Variants in CREBBP observed in about 807,000 individuals in gnomAD.
The protein encoded by CREBBP is CREB-binding protein.
A neutral mutation model predicts 265.0 loss-of-function variants in CREBBP; 19 were observed. The observed-to-expected ratio is 0.07, with a 90% confidence interval of 0.05 to 0.11. The LOEUF is 0.11. Among genes scored for constraint, CREBBP ranks in the 10% least tolerant of loss-of-function variants. The pLI is 1.00. For synonymous variants in CREBBP, 1,457 were observed against 1,223.7 expected (o/e 1.19, Z -3.98); for missense variants, 2,525 against 3,219.0 (o/e 0.78, Z 5.22).
intron 6 of CREBBP, among the ~76,000 whole-genome samples, chr16:3,782,258 C>T (rs890378309): frequency 2.0e-5 from 3 of 152,202 alleles, no homozygotes; most frequent in African/African-American, 4.8e-5. Flanking sequence ...TTGTCATTAA[C>T]CTGCTGAAGT....
rs190724573 is a variant in CREBBP, at chr16:3,780,585, G to C, written c.1823+147C>G. 5.5e-4 allele frequency: 441 copies of C among 807,044 alleles called. 4 individuals carry two copies. The East Asian group carries it at 8.3e-3, about 15-fold the overall frequency. 50.0% of individuals were successfully genotyped at this position (807,044 alleles called of 1,614,324 possible). On this transcript the variant is annotated intron_variant, in intron 8 of 30. Transcript: ENST00000262367. ...AGTGTGGGAATCTCTGGCCTGCCTA[G>C]GGCTGCCAGAACTCTACCAGCAGTG...
chr16:3,755,353 G>C (rs1176853074), intron 19 of CREBBP, among the ~76,000 whole-genome samples: 1 of 152,214 alleles, frequency 6.6e-6, no homozygotes, highest in African/African-American at 2.4e-5. Flanking sequence ...AGAGACAGTG[G>C]TAAACAATCT....
chr16:3,773,714 T>C, intron 13 of CREBBP, 37 bp downstream of exon 13: 3 of 1,605,522 alleles, frequency 1.9e-6, no homozygotes, highest in Non-Finnish European at 2.6e-6. Context: ...AAGAATTTTA[T>C]TTCCTAGGGA....
chr16:3,827,236 A>C (rs1027155201), intron 2 of CREBBP, among the ~76,000 whole-genome samples: 3 of 152,168 alleles, frequency 2.0e-5, no homozygotes, highest in African/African-American at 7.2e-5. Context: ...AAGTATCAAC[A>C]GGCATTAATT....
intron 5 of CREBBP, among the ~76,000 whole-genome samples, chr16:3,783,208 T>C (rs1051192357): frequency 1.3e-5 from 2 of 152,186 alleles, no homozygotes; most frequent in African/African-American, 4.8e-5. Context: ...AAAAAAATTA[T>C]TATGTCTTAA....
intron 5 of CREBBP, among the ~76,000 whole-genome samples, chr16:3,790,727 T>G (rs2053489013): frequency 6.6e-6 from 1 of 152,094 alleles, no homozygotes; most frequent in African/African-American, 2.4e-5. Flanking sequence ...ACCCTGGCAT[T>G]TCTCTTCTCT....
At position 3,729,257 on chromosome 16, in the gene CREBBP, G is replaced by T. The variant is rs770780203; in HGVS notation, c.5790C>A (p.Pro1930=). 4.6e-6 allele frequency: 7 copies of T among 1,528,906 alleles called. No homozygotes were observed. Among genetic ancestry groups the T allele is most frequent in the Admixed American group, 2.0e-5 (1 of 50,820 alleles). The allele number at this position is 1,528,906 out of a possible 1,614,324, so 94.7% of individuals were successfully genotyped here. A position where few individuals can be genotyped will look rare whatever the true frequency, so the allele number is the denominator to read the frequency against. The part of the protein sequence containing the change: ...GFPSVARTQP[P]TTVSTGKPTS... ...TAGGCTTCCCTGTGGACACCGTGGTGGGGGGCTGAGTCCGGGCCACGCTGG... is the reference window on the plus strand; with the variant it reads ...TAGGCTTCCCTGTGGACACCGTGGTTGGGGGCTGAGTCCGGGCCACGCTGG... The change falls in exon 31 of 31, where the codon CCC becomes CCA. Residue 1930 remains proline, a synonymous_variant. Coordinates refer to ENST00000262367, the MANE Select transcript of CREBBP (RefSeq NM_004380.3).
intron 3 of CREBBP, among the ~76,000 whole-genome samples, chr16:3,807,781 T>C (rs761293942): frequency 2.0e-5 from 3 of 152,174 alleles, no homozygotes; most frequent in African/African-American, 4.8e-5. Flanking sequence ...TAGAAAGATG[T>C]TGGGGAGACC....
chr16:3,854,849 G>A (rs2054926057), intron 1 of CREBBP, among the ~76,000 whole-genome samples: 1 of 152,218 alleles, frequency 6.6e-6, no homozygotes. Context: ...CTTCCCACCT[G>A]TCTGTAAGGA....
intron 28 of CREBBP, 124 bp from the exon 29 acceptor site, chr16:3,732,061 C>G (rs1325535764): frequency 1.1e-5 from 18 of 1,569,270 alleles, no homozygotes; most frequent in Non-Finnish European, 1.6e-5. Context: ...CAGGCAGACC[C>G]CATACGTGAA....
In CREBBP at chr16:3,729,014, G is replaced by T; in HGVS notation, c.6033C>A (p.Pro2011=). Residue 2011 remains proline, a synonymous_variant, in exon 31 of 31, where the codon CCC becomes CCA. Transcript: ENST00000262367. The part of the protein sequence containing the change: ...NVPRPNQVSG[P]VMPSMPPGQW... ...GCCCGGGAGGCATGCTGGGCATGAC[G>T]GGCCCGCTCACCTGGTTGGGTCGGG... The T allele has an allele frequency of 6.3e-7, 1 of 1,591,932 alleles. No homozygotes were observed. The highest frequency in any genetic ancestry group is 8.5e-7 in the Non-Finnish European group (1 of 1,174,706).
chr16:3,805,554 G>GCTC (rs2053812058), intron 3 of CREBBP, among the ~76,000 whole-genome samples: 1 of 152,236 alleles, frequency 6.6e-6, no homozygotes, highest in Non-Finnish European at 1.5e-5. Context: ...CGACAACAGA[G>GCTC]AGAGATCCTG....
At chr16:3,853,337 G>A (rs1295004800) in intron 1 of CREBBP, among the ~76,000 whole-genome samples, 5 of 152,216 alleles carry the variant, frequency 3.3e-5, no homozygotes, top group Non-Finnish European at 7.3e-5. Context: ...CAGGCCGGGT[G>A]CGGTGGCTCA....
intron 21 of CREBBP, chr16:3,745,663 G>C (rs1252657223): frequency 4.6e-6 from 2 of 436,316 alleles, no homozygotes; most frequent in Non-Finnish European, 8.6e-6. Context: ...TCACAGGCCG[G>C]TATTTCTGAC....
chr16:3,868,811 G>A lies in CREBBP; in HGVS notation c.85+11021C>T, dbSNP rs560151354. ...CACAACTCAGAGTTCCATGAGGACA[G>A]AAGCAGCTTCTGCCACTACTGTCAT... On this transcript the variant is annotated intron_variant, in intron 1 of 30. Transcript: ENST00000262367. Among the ~76,000 whole-genome samples, 25 of 152,334 alleles carry A rather than the reference G, an allele frequency of 1.6e-4. No individual in the cohort carries two copies. The South Asian group carries it at 5.2e-3, about 32-fold the overall frequency.
Position 3,731,450 on chromosome 16 carries a change from G to A in CREBBP, c.4914C>T (p.His1638=), listed in dbSNP as rs756464003. The A allele has an allele frequency of 9.4e-6, 15 of 1,594,672 alleles. No homozygotes were observed. The highest frequency in any genetic ancestry group is 9.1e-5 in the South Asian group (8 of 88,346). Residue 1638 remains histidine, a synonymous_variant, in exon 30 of 31, where the codon CAC becomes CAT. Coordinates refer to ENST00000262367, the MANE Select transcript of CREBBP (RefSeq NM_004380.3). This position sits in a 1 kb window ranked among gnomAD's most constrained non-coding sequence, Gnocchi z 7.7. ...GCAGGGTGTTGATGACAGGCCCAGC[G>A]TGCAGGTGGATCACGAAGAAGACCT... is the stretch of plus-strand genomic sequence containing the variant. The part of the protein sequence containing the change: ...HKEVFFVIHL[H]AGPVINTLPP...
chr16:3,781,024 T>A, intron 7 of CREBBP, 146 bp from the exon 8 acceptor site: 1 of 1,115,146 alleles, frequency 9.0e-7, no homozygotes, highest in Non-Finnish European at 1.3e-6. Context: ...ACTTAAACTA[T>A]GTTTTAATCT....
intron 1 of CREBBP, among the ~76,000 whole-genome samples, chr16:3,854,074 A>C (rs957230699): frequency 1.3e-5 from 2 of 152,170 alleles, no homozygotes; most frequent in East Asian, 3.8e-4. Context: ...TGCTGCTGGC[A>C]ACACCCACAT....
intron 1 of CREBBP, among the ~76,000 whole-genome samples, chr16:3,858,068 A>G (rs1485114772): frequency 6.6e-6 from 1 of 152,140 alleles, no homozygotes; most frequent in African/African-American, 2.4e-5. Context: ...GTCTGCATGC[A>G]GACTGTTAGG....
Sources: allele counts gnomAD v4.1 joint callset (sites outside exome capture counted in the v4.1 genomes callset), GRCh38; gene constraint gnomAD v4.1.1; non-coding constraint Gnocchi (gnomAD v3.1); transcripts MANE v1.5; gene names NCBI Gene and HGNC (gene_info 2026-07-23, HGNC 2026-07-21).